SNAP47: variants seen among roughly 807,000 people sequenced by gnomAD.
The protein encoded by SNAP47 is synaptosome associated protein 47, also known as synaptosomal-associated protein 47.
SNAP47 carries 20 observed loss-of-function variants against 31.4 expected under a neutral mutation model. That is an observed-to-expected ratio of 0.64 (90% CI 0.45 to 0.93). The LOEUF (loss-of-function observed/expected upper bound fraction) is 0.93. SNAP47 is among the 40% of genes least tolerant of loss of function. The pLI is 0.00. For missense variants in SNAP47, 492 were observed against 528.5 expected (o/e 0.93, Z 0.68); for synonymous variants, 194 against 213.4 (o/e 0.91, Z 0.79).
At chr1:227,760,271 C>G (rs1474407631) in intron 3 of SNAP47, among the ~76,000 whole-genome samples, 1 of 152,244 alleles carries the variant, frequency 6.6e-6, no homozygotes, top group East Asian at 1.9e-4. Flanking sequence ...GGCACCATCT[C>G]CACTTCCCCT....
At chr1:227,755,982 A>T in intron 2 of SNAP47, among the ~76,000 whole-genome samples, 1 of 152,244 alleles carries the variant, frequency 6.6e-6, no homozygotes, top group Non-Finnish European at 1.5e-5. Flanking sequence ...ACATGTAAGC[A>T]TCTGCTTTGC....
chr1:227,758,141 T>G (rs902770479), intron 2 of SNAP47, among the ~76,000 whole-genome samples: 4 of 152,112 alleles, frequency 2.6e-5, no homozygotes, highest in African/African-American at 9.7e-5. Flanking sequence ...ATGGCTGAAT[T>G]CTAACTGTGC....
At chr1:227,744,755 G>A (rs111405979) in intron 1 of SNAP47, among the ~76,000 whole-genome samples, 50 of 152,330 alleles carry the variant, frequency 3.3e-4, no homozygotes, top group African/African-American at 1.1e-3. Context: ...AGGCGCTCCT[G>A]CCTGCCAGGC....
chr1:227,769,908 G>A (rs1663682443), intron 4 of SNAP47, among the ~76,000 whole-genome samples: 1 of 152,202 alleles, frequency 6.6e-6, no homozygotes, highest in Non-Finnish European at 1.5e-5. Context: ...GTCTTGTCCT[G>A]CTTTGGGGTT....
chr1:227,729,936 T>C (rs1209824337), intron 1 of SNAP47, among the ~76,000 whole-genome samples: 2 of 152,154 alleles, frequency 1.3e-5, no homozygotes, highest in African/African-American at 2.4e-5. Context: ...CAGGTCCCAC[T>C]CCCCAAGGAA....
intron 1 of SNAP47, among the ~76,000 whole-genome samples, chr1:227,735,900 C>T (rs1661111288): frequency 1.6e-5 from 2 of 127,282 alleles, no homozygotes; most frequent in Non-Finnish European, 3.3e-5. Context: ...ACAGTGGGGA[C>T]CTGGAGAGGA....
At position 227,762,748 on chromosome 1, in the gene SNAP47, A is replaced by G. The variant is rs539990490; in HGVS notation, c.988+3263A>G. On this transcript the variant is annotated intron_variant, in intron 3 of 4. Transcript: ENST00000617596. This position sits in a 1 kb window ranked among gnomAD's most constrained non-coding sequence, Gnocchi z 4.2. ...CTCGTCCTTGCGTTGAGGAGCACCCAGGACCGCACAATCACCCTCCTCACA... is the reference window on the plus strand; with the variant it reads ...CTCGTCCTTGCGTTGAGGAGCACCCGGGACCGCACAATCACCCTCCTCACA... Among the ~76,000 whole-genome samples the G allele has an allele frequency of 2.4e-4, 36 of 152,330 alleles. 2 individuals are homozygous for G. Among genetic ancestry groups the G allele is most frequent in the African/African-American group, 8.7e-4 (36 of 41,574 alleles).
intron 4 of SNAP47, among the ~76,000 whole-genome samples, chr1:227,777,681 T>C (rs1664242869): frequency 6.6e-6 from 1 of 152,240 alleles, no homozygotes; most frequent in Non-Finnish European, 1.5e-5. Context: ...ATTTTTACCT[T>C]TGAACATCTG....
At chr1:227,764,421 G>A (rs902616007) in intron 3 of SNAP47, among the ~76,000 whole-genome samples, 1 of 152,178 alleles carries the variant, frequency 6.6e-6, no homozygotes, top group African/African-American at 2.4e-5. Context: ...GCAGCCTCAG[G>A]TGCTGAAATG....
chr1:227,739,680 G>A (rs1342110961), intron 1 of SNAP47, among the ~76,000 whole-genome samples: 2 of 152,250 alleles, frequency 1.3e-5, no homozygotes, highest in African/African-American at 4.8e-5. Flanking sequence ...GGACCCTTGA[G>A]TGATGGAAAT....
intron 2 of SNAP47, among the ~76,000 whole-genome samples, chr1:227,756,676 G>A (rs1274623543): frequency 6.6e-6 from 1 of 152,242 alleles, no homozygotes; most frequent in Non-Finnish European, 1.5e-5. Flanking sequence ...GTAGATCTTG[G>A]AGGGGATGTC....
At chr1:227,728,783 G>A (rs1660462292) in exon 1 of SNAP47, 2 of 152,102 alleles carry the variant, frequency 1.3e-5, no homozygotes, top group African/African-American at 4.8e-5. Context: ...GGCCGGATTT[G>A]AAGGTAATAC....
chr1:227,731,604 G>T (rs1021847640), upstream of SNAP47: 1 of 152,610 alleles, frequency 6.6e-6, no homozygotes, highest in Non-Finnish European at 1.5e-5. Flanking sequence ...GCTCACTGCT[G>T]TGCCTTGATC....
At chr1:227,758,920 C>T (rs1026715391) in intron 2 of SNAP47, 75 bp from the exon 3 acceptor site, 11 of 1,506,994 alleles carry the variant, frequency 7.3e-6, no homozygotes, top group South Asian at 1.4e-5. Flanking sequence ...AGGTTAAAAC[C>T]GTTTTCCAAA....
At chr1:227,733,237 G>A (rs925063945), upstream of SNAP47, 22 of 857,000 alleles carry the variant, frequency 2.6e-5, no homozygotes, top group Non-Finnish European at 3.7e-5. Context: ...GTAGACCCAG[G>A]GACCGGCAGT....
chr1:227,733,633 A>C, upstream of SNAP47: 1 of 1,604,732 alleles, frequency 6.2e-7, no homozygotes, highest in Non-Finnish European at 8.5e-7. Flanking sequence ...TCCCACAGAC[A>C]TTGACAGACC....
intron 2 of SNAP47, among the ~76,000 whole-genome samples, chr1:227,757,435 G>A (rs762660151): frequency 1.2e-4 from 18 of 152,214 alleles, no homozygotes; most frequent in Non-Finnish European, 2.1e-4. Context: ...AGGAAGCCAC[G>A]GAGTGCTCAC....
chr1:227,733,437 AGC>A (rs1558182212), upstream of SNAP47: 2 of 1,579,578 alleles, frequency 1.3e-6, no homozygotes, highest in Non-Finnish European at 1.7e-6. Flanking sequence ...TGGTGGTGCC[AGC>A]CACTGGGCAC....
In SNAP47 at chr1:227,780,807, G is replaced by A; in HGVS notation, c.*134G>A. 1 of 1,279,802 alleles carries A rather than the reference G, an allele frequency of 7.8e-7. No individual in the cohort carries two copies. The highest frequency in any genetic ancestry group is 2.5e-5 in the East Asian group (1 of 39,868). 79.3% of individuals were successfully genotyped at this position (1,279,802 alleles called of 1,614,324 possible). ...CCTCTGGATGGGGCTGCTACTGTGG[G>A]GCTGCTTCTGCACCAGGGGCCTCCC... On this transcript the variant is annotated 3_prime_UTR_variant, in exon 5 of 5. Coordinates refer to ENST00000617596, the MANE Select transcript of SNAP47 (RefSeq NM_053052.4).
Sources: allele counts gnomAD v4.1 joint callset (sites outside exome capture counted in the v4.1 genomes callset), GRCh38; gene constraint gnomAD v4.1.1; non-coding constraint Gnocchi (gnomAD v3.1); transcripts MANE v1.5; gene names NCBI Gene and HGNC (gene_info 2026-07-23, HGNC 2026-07-21).